Variants in ALG9 observed in about 807,000 individuals in gnomAD.
The protein encoded by ALG9 is ALG9 alpha-1,2-mannosyltransferase.
Under a neutral mutation model 81.8 loss-of-function variants are expected in ALG9, and 55 were observed. That is an observed-to-expected ratio of 0.67 (90% CI 0.54 to 0.84). ALG9 has a LOEUF of 0.84. Among genes scored for constraint, ALG9 ranks in the 40% least tolerant of loss-of-function variants. The probability of loss-of-function intolerance (pLI) is 0.00; values close to 1 mark genes in which losing one functional copy is unlikely to be tolerated. For synonymous variants in ALG9, 278 were observed against 274.3 expected (o/e 1.01, Z -0.13); for missense variants, 629 against 745.0 (o/e 0.84, Z 1.81).
chr11:111,780,865 T>C (rs1241027528), downstream of ALG9, among the ~76,000 whole-genome samples: 1 of 152,200 alleles, frequency 6.6e-6, no homozygotes, highest in Non-Finnish European at 1.5e-5. Flanking sequence ...CAGTGTGATG[T>C]GGTCTTTGCC....
chr11:111,827,101 C>T (rs1449268966), intron 13 of ALG9, among the ~76,000 whole-genome samples: 1 of 152,162 alleles, frequency 6.6e-6, no homozygotes, highest in Non-Finnish European at 1.5e-5. Flanking sequence ...AATATTTCTG[C>T]TTCCTACATT....
intron 14 of ALG9, among the ~76,000 whole-genome samples, chr11:111,804,028 G>A (rs1949544775): frequency 6.6e-6 from 1 of 151,688 alleles, no homozygotes; most frequent in Non-Finnish European, 1.5e-5. Context: ...AGCTACTCGG[G>A]AGGCTGAGGC....
At chr11:111,799,870 C>A (rs1948853248) in intron 14 of ALG9, among the ~76,000 whole-genome samples, 1 of 152,174 alleles carries the variant, frequency 6.6e-6, no homozygotes. Flanking sequence ...CCTCATCCAA[C>A]AGGCATTTTA....
downstream of ALG9, chr11:111,778,247 C>T (rs1300789893): frequency 1.3e-5 from 2 of 152,114 alleles, no homozygotes; most frequent in East Asian, 1.9e-4. Context: ...AAGGGCAAGT[C>T]GGCCTGCTCA....
intron 2 of ALG9, among the ~76,000 whole-genome samples, chr11:111,869,937 G>A (rs180864093): frequency 3.9e-5 from 6 of 151,942 alleles, no homozygotes; most frequent in African/African-American, 1.4e-4. Context: ...TCAGCCTCCC[G>A]AGTAGCTGGG....
chr11:111,868,804 GA>G, intron 2 of ALG9, 68 bp from the exon 3 acceptor site: 1 of 1,446,606 alleles, frequency 6.9e-7, no homozygotes, highest in East Asian at 2.4e-5. Context: ...AGATGCAAGT[GA>G]AGTTTCTGAG....
chr11:111,807,900 T>A (rs1302311437), intron 14 of ALG9, among the ~76,000 whole-genome samples: 1 of 152,014 alleles, frequency 6.6e-6, no homozygotes, highest in African/African-American at 2.4e-5. Flanking sequence ...GCTTGGGCAA[T>A]ATGGCAAAAC....
chr11:111,837,694 C>G, intron 11 of ALG9, 79 bp from the exon 12 acceptor site: 1 of 1,501,346 alleles, frequency 6.7e-7, no homozygotes, highest in South Asian at 1.2e-5. Context: ...TCATTAATGT[C>G]GCACTGTAAG....
intron 13 of ALG9, among the ~76,000 whole-genome samples, chr11:111,811,542 C>CA (rs11305937): frequency 0.024 from 2,169 of 88,776 alleles, 22 homozygotes; most frequent in African/African-American, 0.031. Context: ...GACTCTGTCT[C>CA]AAAAAAAAAA....
intron 10 of ALG9, 48 bp from the exon 11 acceptor site, chr11:111,838,447 T>A (rs1555120007): frequency 6.6e-7 from 1 of 1,526,102 alleles, no homozygotes; most frequent in African/African-American, 1.4e-5. Flanking sequence ...TTACAAGACA[T>A]CACAGTAACA....
rs868932129 is a variant in ALG9 at position 111,797,887 on chromosome 11, C to T, written c.1734-11367G>A. ...GTAGGCACTGAAAGAACATAATAAG[C>T]GTATATGATATCAGCACAGTCCCCA... On this transcript the variant is annotated intron_variant, in intron 14 of 14. Transcript: ENST00000616540. Among the ~76,000 whole-genome samples, 43 of 152,104 alleles carry T rather than the reference C, an allele frequency of 2.8e-4. 1 individual carries two copies. Among genetic ancestry groups the T allele is most frequent in the Non-Finnish European group, 2.4e-4 (16 of 68,018 alleles).
the ALG9 span, among the ~76,000 whole-genome samples, chr11:111,774,018 C>G: frequency 2.0e-5 from 3 of 147,762 alleles, no homozygotes; most frequent in Non-Finnish European, 4.5e-5. Context: ...TCTCGGCCTC[C>G]CAAAGTGCTG....
At position 111,783,645 on chromosome 11, in the gene ALG9, A is replaced by C. The variant is rs1490654635; in HGVS notation, c.*2752T>G. On this transcript the variant is annotated 3_prime_UTR_variant, in exon 15 of 15. Coordinates refer to ENST00000616540, the MANE Select transcript of ALG9 (RefSeq NM_024740.2). ...GAAACTGTTTTTCCCAGGCAAAGCT[A>C]TCCTTCCTATACTAAAAAGTGATGG... The C allele has an allele frequency of 6.6e-6, 1 of 152,198 alleles. No homozygotes were observed. Among genetic ancestry groups the C allele is most frequent in the Non-Finnish European group, 1.5e-5 (1 of 68,030 alleles). The allele number at this position is 152,198 out of a possible 1,614,324, so 9.4% of individuals were successfully genotyped here. A position where few individuals can be genotyped will look rare whatever the true frequency, so the allele number is the denominator to read the frequency against.
At position 111,857,624 on chromosome 11, in the gene ALG9, A is replaced by C; in HGVS notation, c.679T>G (p.Trp227Gly). 4 of 1,614,206 alleles carry C rather than the reference A, an allele frequency of 2.5e-6. No individual in the cohort carries two copies. The highest frequency in any genetic ancestry group is 3.4e-6 in the Non-Finnish European group (4 of 1,180,026). Reference sequence around the variant, plus strand: ...TACCCAAGAGCTGCACTGAATGGCCAGCCTAAGATAGCCCCAGCTGCTACT... The same window carrying C: ...TACCCAAGAGCTGCACTGAATGGCCCGCCTAAGATAGCCCCAGCTGCTACT... ...LGVAAGAILG[W>G]PFSAALGLPI... Residue 227 changes from tryptophan to glycine, a missense_variant, in exon 6 of 15, where the codon TGG becomes GGG. Around this residue, in one of 3 missense-constraint regions of ALG9, gnomAD observed 344 missense variants for 390.5 expected, o/e 0.88. Transcript: ENST00000616540.
rs1555088862 is a variant in ALG9 at position 111,809,485 on chromosome 11, A to G, written c.1733+158T>C. 3 of 831,376 alleles carry G rather than the reference A, an allele frequency of 3.6e-6. No homozygotes were observed. The African/African-American group carries it at 5.1e-5, about 14-fold the overall frequency. The allele number at this position is 831,376 out of a possible 1,614,324, so 51.5% of individuals were successfully genotyped here. On this transcript the variant is annotated intron_variant, in intron 14 of 14. Transcript: ENST00000616540. ...TCAGAGGTTGTGGGGAGTTGAGATCACACCAGCCTGGGCAACAGAGTGAGA... is the reference window on the plus strand; with the variant it reads ...TCAGAGGTTGTGGGGAGTTGAGATCGCACCAGCCTGGGCAACAGAGTGAGA...
chr11:111,850,734 A>AAAAAAAAAAAAAAG (rs1555137135), intron 8 of ALG9, among the ~76,000 whole-genome samples: 1 of 145,864 alleles, frequency 6.9e-6, no homozygotes, highest in African/African-American at 2.5e-5. Flanking sequence ...ATCAGACAAA[A>AAAAAAAAAAAAAAG]ATTTTTTTCT....
chr11:111,795,110 G>C (rs1555074149), intron 14 of ALG9, among the ~76,000 whole-genome samples: 2 of 152,170 alleles, frequency 1.3e-5, no homozygotes, highest in African/African-American at 4.8e-5. Flanking sequence ...CCAGTCCCTT[G>C]AGGATGGAAT....
At chr11:111,855,240 A>G (rs1195053717) in intron 6 of ALG9, among the ~76,000 whole-genome samples, 1 of 152,104 alleles carries the variant, frequency 6.6e-6, no homozygotes, top group Admixed American at 6.6e-5. Flanking sequence ...TTTTTTAAAA[A>G]CCCTTTAAAA....
At position 111,865,268 on chromosome 11, in the gene ALG9, A is replaced by G. The variant is rs1555151789; in HGVS notation, c.406-17T>C. On this transcript the variant is annotated splice_polypyrimidine_tract_variant and intron_variant, in intron 3 of 14. Coordinates refer to ENST00000616540, the MANE Select transcript of ALG9 (RefSeq NM_024740.2). ...CACAAGAATCTAAAAGAAACCCAGA[A>G]AAAGAAAACAGAAGTCACAGATATG... 7 of 1,545,614 alleles carry G rather than the reference A, an allele frequency of 4.5e-6. No individual in the cohort carries two copies. The highest frequency in any genetic ancestry group is 4.9e-5 in the East Asian group (2 of 40,856).
Sources: allele counts gnomAD v4.1 joint callset (sites outside exome capture counted in the v4.1 genomes callset), GRCh38; gene constraint gnomAD v4.1.1; regional missense constraint gnomAD v4.1.1; transcripts MANE v1.5; gene names NCBI Gene and HGNC (gene_info 2026-07-23, HGNC 2026-07-21).